The following SMG6 variants were observed in gnomAD, a reference collection of about 807,000 sequenced individuals.
The protein encoded by SMG6 is SMG6 nonsense mediated mRNA decay factor, also known as telomerase-binding protein EST1A.
In SMG6, 66 loss-of-function variants were observed where a neutral mutation model predicts 142.2. That is an observed-to-expected ratio of 0.46 (90% confidence interval 0.38 to 0.57). SMG6 has a LOEUF of 0.57. Among genes scored for constraint, SMG6 ranks in the 20% least tolerant of loss-of-function variants. SMG6 has a pLI of 0.00. For missense variants in SMG6, 1,793 were observed against 1,832.0 expected (o/e 0.98, Z 0.39); for synonymous variants, 779 against 702.4 (o/e 1.11, Z -1.72).
chr17:2,178,788 T>C (rs2071721935), intron 12 of SMG6, among the ~76,000 whole-genome samples: 1 of 152,154 alleles, frequency 6.6e-6, no homozygotes, highest in African/African-American at 2.4e-5. Context: ...GAGCAGCCCC[T>C]AGGGGATCCT....
At chr17:2,208,245 A>C (rs1050947897) in intron 10 of SMG6, among the ~76,000 whole-genome samples, 1 of 151,642 alleles carries the variant, frequency 6.6e-6, no homozygotes. Flanking sequence ...TCCTACCCCC[A>C]CTCTCCACAG....
intron 13 of SMG6, among the ~76,000 whole-genome samples, chr17:2,113,207 G>C (rs1342482875): frequency 6.6e-6 from 1 of 152,050 alleles, no homozygotes; most frequent in Non-Finnish European, 1.5e-5. Flanking sequence ...TTAGTGAACA[G>C]CTAGCATTGC....
intron 8 of SMG6, chr17:2,280,505 T>C (rs1040726266): frequency 2.9e-6 from 2 of 686,322 alleles, no homozygotes; most frequent in Non-Finnish European, 3.6e-6. Flanking sequence ...CCTTGTGATC[T>C]GCTCGCCTCG....
intron 10 of SMG6, among the ~76,000 whole-genome samples, chr17:2,228,286 T>C (rs112801087): frequency 0.32 from 48,715 of 151,834 alleles, 8,262 homozygotes; most frequent in Admixed American, 0.38. Flanking sequence ...TGGAGTACAG[T>C]GGCACAATCT....
chr17:2,244,661 A>G lies in SMG6; in HGVS notation c.2720T>C (p.Ile907Thr), dbSNP rs2073889482. ...AATAAACATCCTGCACACTTACCCAATCCGGGTAAACAGCTTCCCATGGGC... is the reference window on the plus strand; with the variant it reads ...AATAAACATCCTGCACACTTACCCAGTCCGGGTAAACAGCTTCCCATGGGC... Reference protein sequence around the residue: ...LHAHGKLFTRIGMETFPAVAE... With the variant: ...LHAHGKLFTRTGMETFPAVAE... The change falls in exon 9 of 19, where the codon ATT becomes ACT. Residue 907 changes from isoleucine (I) to threonine (T), a missense_variant. Coordinates refer to ENST00000263073, the MANE Select transcript of SMG6 (RefSeq NM_017575.5). 6.2e-7 allele frequency: 1 copy of G among 1,609,654 alleles called. No individual in the cohort carries two copies. The highest frequency in any genetic ancestry group is 1.7e-5 in the Admixed American group (1 of 59,992).
intron 13 of SMG6, among the ~76,000 whole-genome samples, chr17:2,124,099 C>T (rs528946333): frequency 6.6e-6 from 1 of 152,262 alleles, no homozygotes; most frequent in Non-Finnish European, 1.5e-5. Flanking sequence ...AGAACAACAA[C>T]CCAGGAGAGA....
chr17:2,269,218 T>C (rs2074492937), intron 8 of SMG6, among the ~76,000 whole-genome samples: 5 of 63,398 alleles, frequency 7.9e-5, no homozygotes, highest in Admixed American at 2.0e-4. Flanking sequence ...AGACTCCATC[T>C]CAAAAAAAAA....
In SMG6 at chr17:2,239,325, T is replaced by C. The variant is rs369873289; in HGVS notation, c.2724-2688A>G. Reference sequence around the variant, plus strand: ...TACTTATGTAATAATTATAAAATTATAGCCAAGAAGAAACAGCAGTCTCAG... The same window carrying C: ...TACTTATGTAATAATTATAAAATTACAGCCAAGAAGAAACAGCAGTCTCAG... On this transcript the variant is annotated intron_variant, in intron 9 of 18. Coordinates refer to ENST00000263073, the MANE Select transcript of SMG6 (RefSeq NM_017575.5). Among the ~76,000 whole-genome samples the C allele has an allele frequency of 2.0e-5, 3 of 152,144 alleles. No individual in the cohort carries two copies. The South Asian group carries it at 6.2e-4, about 32-fold the overall frequency.
rs142724680 is a variant in SMG6, at chr17:2,222,904, C to T, written c.2869+13588G>A. Among the ~76,000 whole-genome samples, 6 of 152,282 alleles carry T rather than the reference C, an allele frequency of 3.9e-5. No individual in the cohort carries two copies. In the East Asian group the frequency reaches 1.2e-3, roughly 29 times the overall value. Reference sequence around the variant, plus strand: ...GCAGGCATCTGAAAAATAATACTTACGAAACATTTTCCTCTGCTCATTGCC... The same window carrying T: ...GCAGGCATCTGAAAAATAATACTTATGAAACATTTTCCTCTGCTCATTGCC... On this transcript the variant is annotated intron_variant, in intron 10 of 18. Transcript: ENST00000263073.
intron 13 of SMG6, among the ~76,000 whole-genome samples, chr17:2,135,329 C>T (rs898107858): frequency 1.3e-5 from 2 of 152,154 alleles, no homozygotes; most frequent in African/African-American, 2.4e-5. Flanking sequence ...GTGGTGAGAA[C>T]ATTAAAAATC....
At chr17:2,257,171 C>T (rs912845981) in intron 8 of SMG6, among the ~76,000 whole-genome samples, 1 of 151,676 alleles carries the variant, frequency 6.6e-6, no homozygotes, top group African/African-American at 2.4e-5. Flanking sequence ...CTGCAACCTC[C>T]GCCTCCCAGG....
chr17:2,249,086 G>T (rs999522164), intron 8 of SMG6, among the ~76,000 whole-genome samples: 47 of 151,822 alleles, frequency 3.1e-4, no homozygotes, highest in African/African-American at 1.1e-3. Flanking sequence ...GTAGAGATGG[G>T]GTTTCACCGT....
At chr17:2,139,456 CTG>C (rs1268331847) in intron 13 of SMG6, among the ~76,000 whole-genome samples, 1 of 142,770 alleles carries the variant, frequency 7.0e-6, no homozygotes, top group African/African-American at 2.7e-5. Context: ...GAGTCTCACT[CTG>C]TCACCCAGGC....
At chr17:2,162,938 C>A (rs1452686326) in intron 13 of SMG6, among the ~76,000 whole-genome samples, 3 of 151,872 alleles carry the variant, frequency 2.0e-5, no homozygotes, top group Non-Finnish European at 4.4e-5. Flanking sequence ...TTCAAGTGAT[C>A]CTCCCACCTC....
intron 6 of SMG6, among the ~76,000 whole-genome samples, chr17:2,288,457 T>C (rs1283317459): frequency 1.3e-5 from 2 of 149,006 alleles, no homozygotes; most frequent in East Asian, 4.1e-4. Flanking sequence ...AAATCTCTAC[T>C]AAAAATACAA....
chr17:2,109,684 A>G (rs2069254506), intron 13 of SMG6, among the ~76,000 whole-genome samples: 1 of 152,234 alleles, frequency 6.6e-6, no homozygotes, highest in African/African-American at 2.4e-5. Flanking sequence ...CACGCAAACC[A>G]TTATAAACTA....
At chr17:2,221,485 C>A (rs2073168248) in intron 10 of SMG6, among the ~76,000 whole-genome samples, 1 of 152,328 alleles carries the variant, frequency 6.6e-6, no homozygotes, top group Admixed American at 6.5e-5. Context: ...AATTAAACTT[C>A]TTTTCTTTAT....
intron 16 of SMG6, among the ~76,000 whole-genome samples, chr17:2,066,917 AGGTCTGCG>A (rs1178995327): frequency 6.6e-6 from 1 of 152,258 alleles, no homozygotes; most frequent in Non-Finnish European, 1.5e-5. Context: ...CGCTGGGGTC[AGGTCTGCG>A]GAGCACAGAG....
At chr17:2,291,299 C>A (rs549820135) in intron 6 of SMG6, among the ~76,000 whole-genome samples, 1 of 151,650 alleles carries the variant, frequency 6.6e-6, no homozygotes, top group Non-Finnish European at 1.5e-5. Context: ...CCACTGCACT[C>A]CAGCCTGAGC....
Sources: gnomAD v4.1 joint callset for allele counts (sites outside exome capture counted in the v4.1 genomes callset) on GRCh38, gnomAD v4.1.1 for gene constraint, MANE v1.5 for transcripts, NCBI Gene and HGNC (gene_info 2026-07-23, HGNC 2026-07-21) for gene names.